FHIT: variants seen among roughly 807,000 people sequenced by gnomAD.
FHIT encodes bis(5'-adenosyl)-triphosphatase.
FHIT carries 19 observed loss-of-function variants against 17.9 expected under a neutral mutation model. The ratio of observed to expected loss-of-function variants is 1.06; its 90% CI spans 0.74 to 1.56. The LOEUF is 1.56. FHIT is among the 40% of genes most tolerant of loss of function. FHIT has a pLI of 0.00. For missense variants in FHIT, 248 were observed against 189.2 expected (o/e 1.31, Z -1.82); for synonymous variants, 81 against 69.7 (o/e 1.16, Z -0.81).
In FHIT at chr3:60,072,291, GGAAAGACTCCTTCTA is replaced by G. The variant is rs1254307569; in HGVS notation, c.104-58154_104-58140del. ...CAGCCCTTTATATTTAGAATGGCTA[GGAAAGACTCCTTCTA>G]GATGATTTGGTGCTAATGTTAAGAA... On this transcript the variant is annotated intron_variant, in intron 5 of 9. Coordinates refer to ENST00000492590, the MANE Select transcript of FHIT (RefSeq NM_002012.4). Among the ~76,000 whole-genome samples, 7 of 152,252 alleles carry G rather than the reference GGAAAGACTCCTTCTA, an allele frequency of 4.6e-5. No individual in the cohort carries two copies. In the East Asian group the frequency reaches 1.3e-3, roughly 29 times the overall value.
At chr3:60,040,635 G>T (rs1161977870) in intron 5 of FHIT, among the ~76,000 whole-genome samples, 1 of 152,088 alleles carries the variant, frequency 6.6e-6, no homozygotes, top group African/African-American at 2.4e-5. Context: ...TGGTTCGGAG[G>T]GCTTCAAGAG....
At chr3:61,040,291 C>T (rs1255257772) in intron 3 of FHIT, among the ~76,000 whole-genome samples, 1 of 152,160 alleles carries the variant, frequency 6.6e-6, no homozygotes, top group Non-Finnish European at 1.5e-5. Context: ...CCAGAGAATT[C>T]CTCCGCCTTA....
At chr3:60,018,662 C>A (rs1246888860) in intron 5 of FHIT, among the ~76,000 whole-genome samples, 1 of 152,150 alleles carries the variant, frequency 6.6e-6, no homozygotes, top group Non-Finnish European at 1.5e-5. Context: ...TAATAAACTA[C>A]CCCAAATCAT....
At position 59,922,443 on chromosome 3, in the gene FHIT, G is replaced by C. The variant is rs775495779; in HGVS notation, c.280-29C>G. The stretch of plus-strand genomic sequence containing the variant: ...AAAATGTACAAGAAAGAAAAAAAAT[G>C]TGATTATCTCCCCATGTATTTTTAG... On this transcript the variant is annotated intron_variant, in intron 7 of 9. Coordinates refer to ENST00000492590, the MANE Select transcript of FHIT (RefSeq NM_002012.4). 3.2e-6 allele frequency: 5 copies of C among 1,574,238 alleles called. No individual in the cohort carries two copies. In the South Asian group the frequency reaches 4.4e-5, roughly 14 times the overall value.
intron 8 of FHIT, among the ~76,000 whole-genome samples, chr3:59,812,250 G>T (rs923067184): frequency 2.0e-5 from 3 of 152,148 alleles, no homozygotes; most frequent in Non-Finnish European, 4.4e-5. Flanking sequence ...GATACAGAAG[G>T]TCTAAACAGG....
intron 4 of FHIT, among the ~76,000 whole-genome samples, chr3:60,643,057 C>T (rs2039765551): frequency 6.6e-6 from 1 of 152,150 alleles, no homozygotes; most frequent in African/African-American, 2.4e-5. Context: ...GTGGCAAGGA[C>T]TATGTGTATC....
intron 5 of FHIT, among the ~76,000 whole-genome samples, chr3:60,122,884 T>C (rs1257835769): frequency 6.6e-6 from 1 of 152,232 alleles, no homozygotes; most frequent in Admixed American, 6.5e-5. Flanking sequence ...TTTTAAGTCA[T>C]AAGGGATCTG....
chr3:60,372,856 G>C (rs888780605), intron 5 of FHIT, among the ~76,000 whole-genome samples: 1 of 151,960 alleles, frequency 6.6e-6, no homozygotes, highest in African/African-American at 2.4e-5. Flanking sequence ...TTTTGATATT[G>C]AGTTCAGTAT....
intron 2 of FHIT, among the ~76,000 whole-genome samples, chr3:61,044,884 T>C (rs4688207): frequency 0.73 from 110,380 of 152,054 alleles, 41,857 homozygotes; most frequent in East Asian, 0.99. Flanking sequence ...GCCAAACTAA[T>C]CTTCACAAGT....
chr3:60,860,305 A>C (rs1040400603), intron 3 of FHIT, among the ~76,000 whole-genome samples: 1 of 147,510 alleles, frequency 6.8e-6, no homozygotes, highest in Non-Finnish European at 1.5e-5. Flanking sequence ...GATACATCAT[A>C]TGTATACATG....
chr3:60,014,460 T>TC (rs1700265188), intron 5 of FHIT, among the ~76,000 whole-genome samples: 1 of 152,218 alleles, frequency 6.6e-6, no homozygotes, highest in Non-Finnish European at 1.5e-5. Flanking sequence ...CAAGATCTAT[T>TC]CTAGATCATT....
intron 4 of FHIT, among the ~76,000 whole-genome samples, chr3:60,614,970 C>T (rs1457373126): frequency 6.6e-6 from 1 of 151,742 alleles, no homozygotes; most frequent in African/African-American, 2.4e-5. Context: ...GCTGGGACTA[C>T]AGGCGCCCAC....
intron 5 of FHIT, among the ~76,000 whole-genome samples, chr3:60,192,613 A>G (rs1702456366): frequency 6.6e-6 from 1 of 152,182 alleles, no homozygotes; most frequent in East Asian, 1.9e-4. Flanking sequence ...GGGATTTCCA[A>G]GTTCAATTAG....
At chr3:61,126,575 C>T (rs2036613687) in intron 2 of FHIT, among the ~76,000 whole-genome samples, 1 of 152,108 alleles carries the variant, frequency 6.6e-6, no homozygotes, top group South Asian at 2.1e-4. Flanking sequence ...GGGAACCACT[C>T]CCATGATCCA....
chr3:60,175,432 T>C (rs1701625580), intron 5 of FHIT, among the ~76,000 whole-genome samples: 1 of 152,162 alleles, frequency 6.6e-6, no homozygotes, highest in African/African-American at 2.4e-5. Context: ...ATAGCATAAT[T>C]ATATATGCTA....
At chr3:60,495,936 A>G (rs552924736) in intron 5 of FHIT, among the ~76,000 whole-genome samples, 33 of 152,306 alleles carry the variant, frequency 2.2e-4, no homozygotes, top group African/African-American at 7.5e-4. Context: ...AAAGAATAGA[A>G]TGGAACACTG....
chr3:60,689,012 T>C (rs1271829628), intron 4 of FHIT, among the ~76,000 whole-genome samples: 1 of 152,132 alleles, frequency 6.6e-6, no homozygotes, highest in East Asian at 1.9e-4. Flanking sequence ...CCTTGTGTTG[T>C]AGGAGGGACT....
intron 5 of FHIT, among the ~76,000 whole-genome samples, chr3:60,091,152 T>C (rs1703713304): frequency 6.6e-6 from 1 of 152,034 alleles, no homozygotes; most frequent in Non-Finnish European, 1.5e-5. Context: ...TGAAACAGAG[T>C]TGACACTCAA....
intron 5 of FHIT, among the ~76,000 whole-genome samples, chr3:60,395,367 G>A (rs970142992): frequency 3.3e-5 from 5 of 152,142 alleles, no homozygotes; most frequent in Admixed American, 2.0e-4. Flanking sequence ...AGACACTGAG[G>A]ATTAGAAAGT....
Sources: allele counts gnomAD v4.1 joint callset (sites outside exome capture counted in the v4.1 genomes callset), GRCh38; gene constraint gnomAD v4.1.1; transcripts MANE v1.5; gene names NCBI Gene and HGNC (gene_info 2026-07-23, HGNC 2026-07-21).